CELF2: variants seen among roughly 807,000 people sequenced by gnomAD.
The protein encoded by CELF2 is CUGBP Elav-like family member 2.
Under a neutral mutation model 62.6 loss-of-function variants are expected in CELF2, and 8 were observed. The ratio of observed to expected loss-of-function variants is 0.13; its 90% CI spans 0.07 to 0.23. The LOEUF (loss-of-function observed/expected upper bound fraction) is 0.23. Ranked by LOEUF, CELF2 falls within the 10% of genes least tolerant of loss-of-function variation. CELF2 has a pLI of 1.00. For synonymous variants in CELF2, 258 were observed against 250.0 expected (o/e 1.03, Z -0.30); for missense variants, 333 against 671.0 (o/e 0.50, Z 5.56).
At chr10:10,631,286 C>T in the CELF2 span, among the ~76,000 whole-genome samples, 1 of 152,128 alleles carries the variant, frequency 6.6e-6, no homozygotes, top group African/African-American at 2.4e-5. Flanking sequence ...AACGCTAGTT[C>T]AAAACCATGC....
the CELF2 span, among the ~76,000 whole-genome samples, chr10:10,760,495 T>C: frequency 6.6e-6 from 1 of 152,228 alleles, no homozygotes; most frequent in African/African-American, 2.4e-5. Flanking sequence ...ACTCAGAAGA[T>C]GCAAGCAAGT....
In CELF2 at chr10:11,324,232, G is replaced by A. The variant is rs1178015206; in HGVS notation, c.1295-1604G>A. ...TCTCCCCGGCTTCAGGAGGTGAGAT[G>A]TACTTCACAGTTCAAACTGGGGCCC... On this transcript the variant is annotated intron_variant, in intron 11 of 12. Transcript: ENST00000633077. This position sits in a 1 kb window ranked among gnomAD's most constrained non-coding sequence, Gnocchi z 4.7. 6.6e-6 allele frequency among the ~76,000 whole-genome samples: 1 copy of A among 152,184 alleles called. No individual in the cohort carries two copies. The highest frequency in any genetic ancestry group is 2.4e-5 in the African/African-American group (1 of 41,448).
chr10:10,898,128 A>G (rs1337973079), intron 1 of CELF2, among the ~76,000 whole-genome samples: 1 of 152,174 alleles, frequency 6.6e-6, no homozygotes, highest in Non-Finnish European at 1.5e-5. Flanking sequence ...CCCTTTTGGA[A>G]TGGGAAAGTC....
intron 3 of CELF2, among the ~76,000 whole-genome samples, chr10:11,219,460 G>A (rs2064182905): frequency 6.6e-6 from 1 of 152,214 alleles, no homozygotes. Flanking sequence ...TTGGGAGCTG[G>A]AAAAGTTGGT....
intron 2 of CELF2, chr10:10,927,208 G>A (rs1226537474): frequency 6.6e-6 from 1 of 151,924 alleles, no homozygotes; most frequent in African/African-American, 2.4e-5. Context: ...CTTCACAGCT[G>A]AATATCCAGC....
chr10:11,221,058 C>G (rs2064719862), intron 3 of CELF2, among the ~76,000 whole-genome samples: 1 of 152,232 alleles, frequency 6.6e-6, no homozygotes, highest in African/African-American at 2.4e-5. Context: ...CCTTGAGATG[C>G]CTAGTAAGTA....
At chr10:11,026,080 C>A (rs1422060003) in intron 1 of CELF2, among the ~76,000 whole-genome samples, 4 of 141,862 alleles carry the variant, frequency 2.8e-5, no homozygotes. Flanking sequence ...AAACAGACTT[C>A]ACAGAGAAAT....
Position 11,005,974 on chromosome 10 carries a change from T to C in CELF2, c.53+534T>C, listed in dbSNP as rs776920449. 6.6e-6 allele frequency among the ~76,000 whole-genome samples: 1 copy of C among 152,196 alleles called. No individual in the cohort carries two copies. Among genetic ancestry groups the C allele is most frequent in the African/African-American group, 2.4e-5 (1 of 41,454 alleles). On this transcript the variant is annotated intron_variant, in intron 1 of 12. Coordinates refer to the CELF2 transcript ENST00000416382. The surrounding 1 kb of genome is among the most constrained non-coding windows in gnomAD (Gnocchi z 4.3). ...TGTACCCGTTTGGAGACCTCTTTCA[T>C]GCATGGCGTCCTGGGTCCCCATGTA...
In CELF2 at chr10:11,010,395, C is replaced by T. The variant is rs775415247; in HGVS notation, c.53+4955C>T. ...AAAAGAACAATCGAATCAGTACTGG[C>T]CTTCTCTCTTCCTTTCCAACTGCCC... On this transcript the variant is annotated intron_variant, in intron 1 of 12. Coordinates refer to the CELF2 transcript ENST00000416382. This position sits in a 1 kb window ranked among gnomAD's most constrained non-coding sequence, Gnocchi z 4.1. 6.6e-6 allele frequency among the ~76,000 whole-genome samples: 1 copy of T among 152,158 alleles called. No individual in the cohort carries two copies. The highest frequency in any genetic ancestry group is 2.4e-5 in the African/African-American group (1 of 41,442).
rs1387013856 is a variant in CELF2 at position 11,005,603 on chromosome 10, T to C, written c.53+163T>C. The stretch of plus-strand genomic sequence containing the variant: ...GGAGATGAAATCGAGACCCAGAGAT[T>C]GGGAGAAAGAGAGAGCCAGCGAGAG... On this transcript the variant is annotated intron_variant, in intron 1 of 12. Transcript: ENST00000416382. This position sits in a 1 kb window ranked among gnomAD's most constrained non-coding sequence, Gnocchi z 4.3. Among the ~76,000 whole-genome samples, 1 of 152,064 alleles carries C rather than the reference T, an allele frequency of 6.6e-6. No individual in the cohort carries two copies. Among genetic ancestry groups the C allele is most frequent in the East Asian group, 1.9e-4 (1 of 5,184 alleles).
At chr10:10,750,426 G>T in the CELF2 span, among the ~76,000 whole-genome samples, 1 of 152,204 alleles carries the variant, frequency 6.6e-6, no homozygotes, top group African/African-American at 2.4e-5. Context: ...CTGAACCAGG[G>T]AAGGCAGATG....
chr10:11,016,036 C>G (rs1407038208), upstream of CELF2, among the ~76,000 whole-genome samples: 3 of 152,088 alleles, frequency 2.0e-5, no homozygotes, highest in African/African-American at 7.2e-5. The surrounding 1 kb of genome is among the most constrained non-coding windows in gnomAD (Gnocchi z 5.2). Flanking sequence ...GTTTTGGAGG[C>G]CAAGTCTGCT....
intron 1 of CELF2, among the ~76,000 whole-genome samples, chr10:10,838,258 G>A (rs548589551): frequency 6.6e-6 from 1 of 152,318 alleles, no homozygotes; most frequent in Non-Finnish European, 1.5e-5. Context: ...GAGCACAGAA[G>A]TGAAGGACCA....
chr10:10,621,318 C>G, the CELF2 span, among the ~76,000 whole-genome samples: 6 of 150,884 alleles, frequency 4.0e-5, no homozygotes, highest in Non-Finnish European at 7.4e-5. Context: ...ATTTAATGTG[C>G]AGTGTAAACA....
chr10:11,039,488 A>G lies in CELF2; in HGVS notation c.74+21325A>G, dbSNP rs1352958064. On this transcript the variant is annotated intron_variant, in intron 1 of 12. Transcript: ENST00000633077. The surrounding 1 kb of genome is among the most constrained non-coding windows in gnomAD (Gnocchi z 4.1). ...TAGTCACGGTCACAGTGTGTACTCAAAGTACCTTAAAACGAGTTCAGAGTT... is the reference window on the plus strand; with the variant it reads ...TAGTCACGGTCACAGTGTGTACTCAGAGTACCTTAAAACGAGTTCAGAGTT... Among the ~76,000 whole-genome samples the G allele has an allele frequency of 2.6e-5, 4 of 152,142 alleles. No homozygotes were observed. The highest frequency in any genetic ancestry group is 1.9e-4 in the East Asian group (1 of 5,204).
the CELF2 span, among the ~76,000 whole-genome samples, chr10:10,626,543 C>A: frequency 1.3e-5 from 2 of 152,224 alleles, no homozygotes; most frequent in African/African-American, 4.8e-5. Flanking sequence ...AATAAGCAGG[C>A]TTGAATTCTC....
In CELF2 at chr10:11,314,212, A is replaced by G; in HGVS notation, c.1050A>G (p.Gly350=). The G allele has an allele frequency of 6.2e-7, 1 of 1,614,136 alleles. No homozygotes were observed. The highest frequency in any genetic ancestry group is 8.5e-7 in the Non-Finnish European group (1 of 1,179,980). ...NSLTSLGTLQ[G]LAGATVGLNN... is the part of the protein sequence containing the mutation. ...TGACCTCTCTCGGGACTCTGCAAGG[A>G]CTGGCTGGAGCCACTGTTGGACTGA... Residue 350 remains glycine, a synonymous_variant, in exon 10 of 13, where the codon GGA becomes GGG. Transcript: ENST00000633077. The surrounding 1 kb of genome is among the most constrained non-coding windows in gnomAD (Gnocchi z 5.3).
intron 3 of CELF2, among the ~76,000 whole-genome samples, chr10:11,225,393 T>C (rs2066166108): frequency 6.6e-6 from 1 of 152,174 alleles, no homozygotes; most frequent in Admixed American, 6.5e-5. Flanking sequence ...TTGGACTGAG[T>C]GGCCCTTTCC....
intron 1 of CELF2, among the ~76,000 whole-genome samples, chr10:11,073,750 G>A (rs1390998414): frequency 6.6e-6 from 1 of 152,226 alleles, no homozygotes; most frequent in East Asian, 1.9e-4. Context: ...TCTCCCTGGG[G>A]TGCTGGTAAC....
Sources: allele counts gnomAD v4.1 joint callset (sites outside exome capture counted in the v4.1 genomes callset), GRCh38; gene constraint gnomAD v4.1.1; non-coding constraint Gnocchi (gnomAD v3.1); transcripts MANE v1.5; gene names NCBI Gene and HGNC (gene_info 2026-07-23, HGNC 2026-07-21).